LHPP: variants seen among roughly 807,000 people sequenced by gnomAD.
The protein encoded by LHPP is hLHPP.
In LHPP, 24 loss-of-function variants were observed where a neutral mutation model predicts 30.3. That is an observed-to-expected ratio of 0.79 (90% CI 0.57 to 1.11). The LOEUF is 1.11. Ranked by LOEUF, LHPP falls within the 50% of genes most tolerant of loss-of-function variation. LHPP has a pLI of 0.00. For synonymous variants in LHPP, 150 were observed against 157.1 expected, an observed-to-expected ratio of 0.95 and a Z score of 0.34; for missense variants, 356 against 367.2, an observed-to-expected ratio of 0.97 and a Z score of 0.25.
chr10:124,534,002 A>G (rs1270701320), intron 6 of LHPP, among the ~76,000 whole-genome samples: 1 of 136,862 alleles, frequency 7.3e-6, no homozygotes, highest in East Asian at 2.5e-4. Context: ...TGCCCTGCCC[A>G]TGCAGGCTCT....
rs1215253826 is a variant in LHPP at position 124,496,244 on chromosome 10, T to C, written c.468-717T>C. ...AGAGCCAGGTCTGGCCCACCATGTG[T>C]CTGGACTGTGAGTGCCTTGAGGCTC... On this transcript the variant is annotated intron_variant, in intron 3 of 6. Transcript: ENST00000368842. The surrounding 1 kb of genome is among the most constrained non-coding windows in gnomAD (Gnocchi z 4.3). Among the ~76,000 whole-genome samples, 1 of 152,182 alleles carries C rather than the reference T, an allele frequency of 6.6e-6. No homozygotes were observed. The highest frequency in any genetic ancestry group is 1.5e-5 in the Non-Finnish European group (1 of 68,024).
At chr10:124,548,238 G>A (rs1251628751) in intron 6 of LHPP, among the ~76,000 whole-genome samples, 1 of 151,988 alleles carries the variant, frequency 6.6e-6, no homozygotes, top group African/African-American at 2.4e-5. Context: ...ATGAGTGGGG[G>A]CCCCATGCTG....
Position 124,523,535 on chromosome 10 carries a change from G to T in LHPP, c.716+6264G>T, listed in dbSNP as rs1236043370. Among the ~76,000 whole-genome samples the T allele has an allele frequency of 5.3e-5, 8 of 152,252 alleles. No homozygotes were observed. On this transcript the variant is annotated intron_variant, in intron 6 of 6. Transcript: ENST00000368842. The surrounding 1 kb of genome is among the most constrained non-coding windows in gnomAD (Gnocchi z 4.2). ...TGTTTCCTGTTACGAGAAGGCTGTG[G>T]ATTCGCTTTGGAACATGACAGATTT...
chr10:124,545,628 G>A (rs889567265), intron 6 of LHPP, among the ~76,000 whole-genome samples: 1 of 151,098 alleles, frequency 6.6e-6, no homozygotes, highest in Non-Finnish European at 1.5e-5. Flanking sequence ...GGGCATGAAA[G>A]GCCCAGCGGG....
chr10:124,462,793 G>T (rs931564158), intron 1 of LHPP, among the ~76,000 whole-genome samples: 3 of 152,222 alleles, frequency 2.0e-5, no homozygotes, highest in African/African-American at 7.2e-5. Context: ...CGCCTCCCGG[G>T]TGCAAGTGAT....
intron 6 of LHPP, among the ~76,000 whole-genome samples, chr10:124,608,409 G>A (rs1179210640): frequency 1.3e-5 from 2 of 152,160 alleles, no homozygotes; most frequent in Admixed American, 6.5e-5. Flanking sequence ...CCACAACAGC[G>A]CCCACACCCG....
intron 1 of LHPP, among the ~76,000 whole-genome samples, chr10:124,469,404 T>TA (rs1326857129): frequency 6.6e-6 from 1 of 152,032 alleles, no homozygotes; most frequent in East Asian, 1.9e-4. Context: ...CTCAACTTTT[T>TA]AAAATAATAT....
intron 5 of LHPP, among the ~76,000 whole-genome samples, chr10:124,511,382 ACT>A (rs1954290889): frequency 6.6e-6 from 1 of 152,144 alleles, no homozygotes; most frequent in Non-Finnish European, 1.5e-5. Flanking sequence ...TGCATGACAC[ACT>A]CTGGGAAGCA....
At chr10:124,474,616 A>G (rs1157612910) in intron 1 of LHPP, among the ~76,000 whole-genome samples, 2 of 152,114 alleles carry the variant, frequency 1.3e-5, no homozygotes, top group African/African-American at 4.8e-5. Context: ...CACAGGTCCC[A>G]TCTCCAAACA....
intron 6 of LHPP, among the ~76,000 whole-genome samples, chr10:124,538,543 G>T (rs1955097678): frequency 6.6e-6 from 1 of 152,164 alleles, no homozygotes; most frequent in Admixed American, 6.5e-5. Context: ...CAAGTGGTGG[G>T]GTGGACCCCC....
intron 6 of LHPP, among the ~76,000 whole-genome samples, chr10:124,545,813 C>T (rs1226997760): frequency 6.6e-6 from 1 of 152,154 alleles, no homozygotes; most frequent in East Asian, 1.9e-4. Flanking sequence ...TAAAGGCCGA[C>T]GCTGTCATTC....
chr10:124,497,581 G>A (rs1220978901), intron 4 of LHPP, among the ~76,000 whole-genome samples: 3 of 152,150 alleles, frequency 2.0e-5, no homozygotes, highest in East Asian at 1.9e-4. Context: ...CTCACATCCC[G>A]TCCCATCCTC....
In LHPP at chr10:124,492,592, G is replaced by A. The variant is rs896994097; in HGVS notation, c.467+4017G>A. Among the ~76,000 whole-genome samples the A allele has an allele frequency of 5.3e-5, 8 of 152,188 alleles. No homozygotes were observed. The East Asian group carries it at 9.6e-4, about 18-fold the overall frequency. On this transcript the variant is annotated intron_variant, in intron 3 of 6. Coordinates refer to ENST00000368842, the MANE Select transcript of LHPP (RefSeq NM_022126.4). ...GAATGTACTCTCCTCCTAGTTCACCGATTTAAATGTTAATCTCATCCAAAA... is the reference window on the plus strand; with the variant it reads ...GAATGTACTCTCCTCCTAGTTCACCAATTTAAATGTTAATCTCATCCAAAA...
chr10:124,504,486 G>C (rs1208465300), intron 5 of LHPP, among the ~76,000 whole-genome samples: 6 of 148,522 alleles, frequency 4.0e-5, no homozygotes, highest in Admixed American at 3.4e-4. Context: ...TATGGTTCCA[G>C]CTACTTGGGG....
intron 1 of LHPP, 88 bp from the exon 2 acceptor site, chr10:124,484,051 A>G (rs964813207): frequency 7.8e-7 from 1 of 1,277,822 alleles, no homozygotes; most frequent in Non-Finnish European, 1.1e-6. Flanking sequence ...GCTTTGCTGG[A>G]TGCCCTTCGA....
At chr10:124,544,417 T>G (rs1955280747) in intron 6 of LHPP, among the ~76,000 whole-genome samples, 1 of 152,184 alleles carries the variant, frequency 6.6e-6, no homozygotes, top group African/African-American at 2.4e-5. Context: ...TGGCAACGAC[T>G]GGGACACCTG....
At position 124,590,540 on chromosome 10, in the gene LHPP, G is replaced by A. The variant is rs1948870516; in HGVS notation, c.717-22724G>A. On this transcript the variant is annotated intron_variant, in intron 6 of 6. Coordinates refer to ENST00000368842, the MANE Select transcript of LHPP (RefSeq NM_022126.4). The surrounding 1 kb of genome is among the most constrained non-coding windows in gnomAD (Gnocchi z 4.3). ...CCTGCCAAGCCCCCACCCAGCACCT[G>A]TCCCTTGTGTCATGACTGGACTTGT... 6.6e-6 allele frequency among the ~76,000 whole-genome samples: 1 copy of A among 152,082 alleles called. No individual in the cohort carries two copies. The highest frequency in any genetic ancestry group is 6.5e-5 in the Admixed American group (1 of 15,270).
intron 6 of LHPP, among the ~76,000 whole-genome samples, chr10:124,609,389 C>G (rs796904093): frequency 5.3e-5 from 8 of 152,204 alleles, no homozygotes; most frequent in African/African-American, 1.4e-4. Context: ...ACTACAGGCG[C>G]CTGCCACTAC....
intron 6 of LHPP, among the ~76,000 whole-genome samples, chr10:124,601,397 C>G (rs537092029): frequency 1.3e-5 from 2 of 152,220 alleles, no homozygotes; most frequent in Non-Finnish European, 2.9e-5. Flanking sequence ...GACCGGGGGG[C>G]CTTACGTACG....
Sources: gnomAD v4.1 joint callset for allele counts (sites outside exome capture counted in the v4.1 genomes callset) on GRCh38, gnomAD v4.1.1 for gene constraint, Gnocchi (gnomAD v3.1) non-coding constraint, MANE v1.5 for transcripts, NCBI Gene and HGNC (gene_info 2026-07-23, HGNC 2026-07-21) for gene names.